GRIA4: variants seen among roughly 807,000 people sequenced by gnomAD.
The protein encoded by GRIA4 is glutamate ionotropic receptor AMPA type subunit 4, also known as glutamate receptor 4.
GRIA4 carries 34 observed loss-of-function variants against 104.0 expected under a neutral mutation model. The observed-to-expected ratio is 0.33, with a 90% CI of 0.25 to 0.44. The LOEUF (loss-of-function observed/expected upper bound fraction) is 0.44. Ranked by LOEUF, GRIA4 falls within the 20% of genes least tolerant of loss-of-function variation. GRIA4 has a pLI of 1.00. For synonymous variants in GRIA4, 386 were observed against 381.9 expected (o/e 1.01, Z -0.13); for missense variants, 750 against 1,096.5 (o/e 0.68, Z 4.46).
chr11:105,671,729 C>A (rs1591538170), intron 3 of GRIA4, among the ~76,000 whole-genome samples: 2 of 135,512 alleles, frequency 1.5e-5, no homozygotes, highest in South Asian at 2.5e-4. Flanking sequence ...ATTTTATAGT[C>A]AATATATTAT....
chr11:105,744,222 T>C (rs1359818418), intron 3 of GRIA4, among the ~76,000 whole-genome samples: 1 of 152,168 alleles, frequency 6.6e-6, no homozygotes, highest in Non-Finnish European at 1.5e-5. Flanking sequence ...GGGAATACTA[T>C]TTTGTATTTT....
intron 14 of GRIA4, among the ~76,000 whole-genome samples, chr11:105,936,381 C>A (rs926994090): frequency 6.6e-6 from 1 of 152,156 alleles, no homozygotes; most frequent in Non-Finnish European, 1.5e-5. Context: ...AGACTTAAGT[C>A]TGTTTTCCAA....
Position 105,921,306 on chromosome 11 carries a change from GGTGTGT to G in GRIA4, c.1476+2427_1476+2432del, listed in dbSNP as rs5794436. Among the ~76,000 whole-genome samples, 769 of 138,848 alleles carry G rather than the reference GGTGTGT, an allele frequency of 5.5e-3. 4 individuals carry two copies. The highest frequency in any genetic ancestry group is 0.019 in the Middle Eastern group (5 of 260). The allele number at this position is 138,848 out of a possible 152,430, so 91.1% of individuals were successfully genotyped here. On this transcript the variant is annotated intron_variant, in intron 11 of 16. Transcript: ENST00000282499. Reference sequence around the variant, plus strand: ...ATTTCCTTGGCCTCTACCACACTTGGGTGTGTGTGTGTGTGTGTGTGTGTGTGTGTG... The same window carrying G: ...ATTTCCTTGGCCTCTACCACACTTGGGTGTGTGTGTGTGTGTGTGTGTGTG...
chr11:105,700,251 G>C lies in GRIA4; in HGVS notation c.248-52730G>C, dbSNP rs1226626978. Among the ~76,000 whole-genome samples the C allele has an allele frequency of 2.6e-5, 4 of 152,314 alleles. No homozygotes were observed. The South Asian group carries it at 8.3e-4, about 32-fold the overall frequency. On this transcript the variant is annotated intron_variant, in intron 3 of 16. Transcript: ENST00000282499. ...TTAATTATGTAGCTGCAGAAAGAGG[G>C]GAATGAGTCAGCTCATTTATGTGTA...
At chr11:105,678,903 TA>T (rs1952624744) in intron 3 of GRIA4, among the ~76,000 whole-genome samples, 1 of 152,126 alleles carries the variant, frequency 6.6e-6, no homozygotes, top group African/African-American at 2.4e-5. Flanking sequence ...GGATTATAGT[TA>T]ATTTTCCCCC....
chr11:105,665,088 A>G (rs1952124893), intron 3 of GRIA4, among the ~76,000 whole-genome samples: 1 of 152,056 alleles, frequency 6.6e-6, no homozygotes, highest in African/African-American at 2.4e-5. Flanking sequence ...TTGATTTACC[A>G]AATATTTTAA....
At chr11:105,629,736 G>A (rs1292193382) in intron 3 of GRIA4, among the ~76,000 whole-genome samples, 1 of 152,104 alleles carries the variant, frequency 6.6e-6, no homozygotes, top group African/African-American at 2.4e-5. Context: ...GTGTCCAAAG[G>A]AACAGATAAA....
At chr11:105,763,116 G>C (rs758408005) in intron 4 of GRIA4, among the ~76,000 whole-genome samples, 1 of 152,146 alleles carries the variant, frequency 6.6e-6, no homozygotes, top group East Asian at 1.9e-4. Context: ...AGGAGTAAGA[G>C]AGTTTAATAC....
At chr11:105,943,571 A>G (rs1360415201) in intron 14 of GRIA4, among the ~76,000 whole-genome samples, 1 of 152,084 alleles carries the variant, frequency 6.6e-6, no homozygotes, top group African/African-American at 2.4e-5. Flanking sequence ...CTTCAGCACT[A>G]CCTAATTTCT....
At chr11:105,707,524 G>A (rs1313920656) in intron 3 of GRIA4, 6 of 152,292 alleles carry the variant, frequency 3.9e-5, no homozygotes, top group African/African-American at 1.4e-4. Flanking sequence ...TGCTGTTGAA[G>A]AAGGCATTGT....
intron 5 of GRIA4, among the ~76,000 whole-genome samples, chr11:105,873,540 A>T (rs966375671): frequency 6.6e-6 from 1 of 152,166 alleles, no homozygotes; most frequent in Admixed American, 6.5e-5. Context: ...CACTCCCTCC[A>T]ACAGTGTAAA....
At chr11:105,615,893 G>C (rs1950586900) in intron 3 of GRIA4, among the ~76,000 whole-genome samples, 1 of 151,690 alleles carries the variant, frequency 6.6e-6, no homozygotes, top group African/African-American at 2.4e-5. Context: ...TCCAAATTTT[G>C]CAAAAGATAA....
At chr11:105,789,766 G>T (rs917377126) in intron 4 of GRIA4, among the ~76,000 whole-genome samples, 2 of 152,146 alleles carry the variant, frequency 1.3e-5, no homozygotes, top group African/African-American at 4.8e-5. Context: ...GATGTGAAGT[G>T]AAATTTAAGC....
intron 3 of GRIA4, among the ~76,000 whole-genome samples, chr11:105,730,498 G>A (rs1388986218): frequency 1.3e-5 from 2 of 152,062 alleles, no homozygotes; most frequent in Admixed American, 6.5e-5. Context: ...AGTTACCCTT[G>A]ACTTTCCTCA....
intron 3 of GRIA4, among the ~76,000 whole-genome samples, chr11:105,748,974 A>G (rs1028031452): frequency 1.3e-5 from 2 of 152,198 alleles, no homozygotes; most frequent in Non-Finnish European, 2.9e-5. Context: ...GCAGAATTGG[A>G]TGATTTCACG....
At chr11:105,701,009 A>T (rs542340238) in intron 3 of GRIA4, among the ~76,000 whole-genome samples, 1 of 152,302 alleles carries the variant, frequency 6.6e-6, no homozygotes, top group South Asian at 2.1e-4. Flanking sequence ...AATGTCAATC[A>T]TTCTGAGTTA....
At chr11:105,727,984 C>A (rs187820953) in intron 3 of GRIA4, among the ~76,000 whole-genome samples, 5 of 152,110 alleles carry the variant, frequency 3.3e-5, no homozygotes, top group African/African-American at 4.8e-5. Flanking sequence ...GGCAAAATAA[C>A]GAGCTAGCAT....
At chr11:105,781,595 T>A (rs75146388) in intron 4 of GRIA4, among the ~76,000 whole-genome samples, 4,573 of 152,246 alleles carry the variant, frequency 0.03, 138 homozygotes, top group African/African-American at 0.077. Flanking sequence ...AATGCATCTA[T>A]ATAGAGTACG....
chr11:105,868,369 A>G (rs1424902894), intron 5 of GRIA4, among the ~76,000 whole-genome samples: 1 of 152,196 alleles, frequency 6.6e-6, no homozygotes, highest in Non-Finnish European at 1.5e-5. Flanking sequence ...GGTAGCAGAA[A>G]TGTAGATTCC....
Sources: allele counts gnomAD v4.1 joint callset (sites outside exome capture counted in the v4.1 genomes callset), GRCh38; gene constraint gnomAD v4.1.1; transcripts MANE v1.5; gene names NCBI Gene and HGNC (gene_info 2026-07-23, HGNC 2026-07-21).